TRPM3: variants seen among roughly 807,000 people sequenced by gnomAD.
TRPM3 encodes the protein long transient receptor potential channel 3.
In TRPM3, 77 loss-of-function variants were observed where a neutral mutation model predicts 181.2. The ratio of observed to expected loss-of-function variants is 0.42; its 90% confidence interval spans 0.35 to 0.51. The LOEUF is 0.51. Ranked by LOEUF, TRPM3 falls within the 20% of genes least tolerant of loss-of-function variation. The probability of loss-of-function intolerance (pLI) is 0.01; values close to 1 mark genes in which losing one functional copy is unlikely to be tolerated. For missense variants in TRPM3, 1,759 were observed against 2,196.7 expected (o/e 0.80, Z 3.98); for synonymous variants, 745 against 796.4 (o/e 0.94, Z 1.09).
At position 71,258,483 on chromosome 9, in the gene TRPM3, T is replaced by C. The variant is rs530659485; in HGVS notation, c.183+188170A>G. ...TTTACATTACTGAGAATGAATTCTC[T>C]CTTGTATCTCATATTATTTTCCTAC... is the stretch of plus-strand genomic sequence containing the variant. On this transcript the variant is annotated intron_variant, in intron 1 of 24. Transcript: ENST00000357533. 2.6e-5 allele frequency among the ~76,000 whole-genome samples: 4 copies of C among 152,342 alleles called. No homozygotes were observed. The South Asian group carries it at 8.3e-4, about 32-fold the overall frequency.
intron 5 of TRPM3, among the ~76,000 whole-genome samples, chr9:70,839,597 T>G (rs981121080): frequency 2.6e-5 from 4 of 152,170 alleles, no homozygotes; most frequent in African/African-American, 9.7e-5. Flanking sequence ...TTTCCATCAG[T>G]TTGGAAATAA....
At chr9:70,597,852 A>C (rs1281718737) in intron 21 of TRPM3, among the ~76,000 whole-genome samples, 1 of 152,216 alleles carries the variant, frequency 6.6e-6, no homozygotes, top group African/African-American at 2.4e-5. Context: ...TCAAATCAGC[A>C]CAAATAAATT....
At position 70,535,929 on chromosome 9, in the gene TRPM3, T is replaced by A; in HGVS notation, c.*24A>T. The A allele has an allele frequency of 1.3e-6, 2 of 1,550,760 alleles. No homozygotes were observed. On this transcript the variant is annotated 3_prime_UTR_variant, in exon 26 of 26. Coordinates refer to ENST00000677713, the MANE Select transcript of TRPM3 (RefSeq NM_001366145.2). The stretch of plus-strand genomic sequence containing the variant: ...AATTTTAGGGCTGGATTCTTGAGCC[T>A]TCTGTGGCGGATATTAAGAAGGTTT...
chr9:71,082,914 G>A (rs1047474706), intron 1 of TRPM3, among the ~76,000 whole-genome samples: 11 of 152,052 alleles, frequency 7.2e-5, no homozygotes, highest in African/African-American at 2.7e-4. Flanking sequence ...GTACAGGCAG[G>A]AACAGAACAG....
chr9:70,890,408 C>CA (rs1311592931), intron 1 of TRPM3, among the ~76,000 whole-genome samples: 4 of 151,740 alleles, frequency 2.6e-5, no homozygotes, highest in Non-Finnish European at 5.9e-5. Context: ...AGAAAATTAT[C>CA]AAAAAAATTG....
chr9:70,953,343 C>T (rs570609832), intron 1 of TRPM3, among the ~76,000 whole-genome samples: 11 of 152,184 alleles, frequency 7.2e-5, no homozygotes, highest in East Asian at 1.9e-4. Flanking sequence ...TTTGAATGAA[C>T]CAGTCAGCCT....
intron 6 of TRPM3, among the ~76,000 whole-genome samples, chr9:70,816,547 C>T (rs2092707627): frequency 6.6e-6 from 1 of 152,162 alleles, no homozygotes; most frequent in African/African-American, 2.4e-5. Context: ...GGCTGGCCAA[C>T]CTCCATTCTA....
At chr9:71,166,555 A>G (rs2076551060) in intron 1 of TRPM3, among the ~76,000 whole-genome samples, 1 of 152,182 alleles carries the variant, frequency 6.6e-6, no homozygotes, top group African/African-American at 2.4e-5. Flanking sequence ...CTGGAGTATA[A>G]TATAAGCAGG....
intron 1 of TRPM3, among the ~76,000 whole-genome samples, chr9:71,328,321 G>A (rs1322418120): frequency 2.6e-5 from 4 of 152,148 alleles, no homozygotes; most frequent in African/African-American, 4.8e-5. Context: ...CTGCCACCAC[G>A]CCCGGCTAAT....
chr9:70,633,414 A>G (rs1362829537), intron 12 of TRPM3, among the ~76,000 whole-genome samples: 9 of 152,204 alleles, frequency 5.9e-5, no homozygotes, highest in African/African-American at 1.4e-4. Context: ...ATGGCATGGA[A>G]TGGGTAGACC....
At chr9:70,809,183 G>A (rs1233516615) in intron 6 of TRPM3, among the ~76,000 whole-genome samples, 1 of 152,176 alleles carries the variant, frequency 6.6e-6, no homozygotes, top group Non-Finnish European at 1.5e-5. Flanking sequence ...TATGTTTTAA[G>A]CTAAGTATTA....
intron 1 of TRPM3, among the ~76,000 whole-genome samples, chr9:70,908,271 T>C (rs185304778): frequency 1.2e-3 from 188 of 152,326 alleles, no homozygotes; most frequent in South Asian, 3.1e-3. Flanking sequence ...GGTGACTTTA[T>C]AGAACATAAT....
At chr9:71,063,677 G>A (rs1231495553) in intron 1 of TRPM3, among the ~76,000 whole-genome samples, 1 of 152,080 alleles carries the variant, frequency 6.6e-6, no homozygotes, top group Non-Finnish European at 1.5e-5. Context: ...GATGGCTGAG[G>A]GGGCTGAGGG....
chr9:70,964,744 T>G (rs1039315761), intron 1 of TRPM3, among the ~76,000 whole-genome samples: 2 of 152,116 alleles, frequency 1.3e-5, no homozygotes, highest in Admixed American at 1.3e-4. Context: ...CCACAGGGTT[T>G]CAAATAAATC....
At chr9:71,263,305 T>C (rs1287866931) in intron 1 of TRPM3, among the ~76,000 whole-genome samples, 1 of 152,226 alleles carries the variant, frequency 6.6e-6, no homozygotes, top group Non-Finnish European at 1.5e-5. Flanking sequence ...TTTGTACAAA[T>C]ATTATTTCTC....
At chr9:71,136,062 G>T (rs1461008697) in intron 1 of TRPM3, among the ~76,000 whole-genome samples, 1 of 152,194 alleles carries the variant, frequency 6.6e-6, no homozygotes, top group Non-Finnish European at 1.5e-5. Context: ...TGTCTGCTAT[G>T]TGTGTAGCAC....
At chr9:70,960,746 T>C (rs1108226) in intron 1 of TRPM3, among the ~76,000 whole-genome samples, 118,895 of 152,026 alleles carry the variant, frequency 0.78, 46,890 homozygotes, top group African/African-American at 0.85. Flanking sequence ...GACATGCAAA[T>C]GTGCCGTGTG....
At position 71,094,037 on chromosome 9, in the gene TRPM3, G is replaced by A. The variant is rs2066692478; in HGVS notation, c.177+27141C>T. 2.9e-5 allele frequency among the ~76,000 whole-genome samples: 4 copies of A among 138,020 alleles called. No homozygotes were observed. The South Asian group carries it at 1.0e-3, about 35-fold the overall frequency. 90.5% of individuals were successfully genotyped at this position (138,020 alleles called of 152,430 possible). ...CACTCATAAGTGGGAGCTGAATAAC[G>A]AGAACACATGGACACAGGGAGGGGA... On this transcript the variant is annotated intron_variant, in intron 1 of 25. Coordinates refer to ENST00000677713, the MANE Select transcript of TRPM3 (RefSeq NM_001366145.2).
intron 1 of TRPM3, among the ~76,000 whole-genome samples, chr9:71,407,637 C>T (rs1414214356): frequency 6.6e-6 from 1 of 152,214 alleles, no homozygotes; most frequent in South Asian, 2.1e-4. Flanking sequence ...GTAGACTCCA[C>T]CTCTGGGGGC....
Sources: allele counts gnomAD v4.1 joint callset (sites outside exome capture counted in the v4.1 genomes callset), GRCh38; gene constraint gnomAD v4.1.1; transcripts MANE v1.5; gene names NCBI Gene and HGNC (gene_info 2026-07-23, HGNC 2026-07-21).